Variants in SPOUT1 observed in about 807,000 individuals in gnomAD.
SPOUT1 encodes the protein SPOUT domain containing methyltransferase 1.
Under a neutral mutation model 54.8 loss-of-function variants are expected in SPOUT1, and 40 were observed. The ratio of observed to expected loss-of-function variants is 0.73; its 90% CI spans 0.57 to 0.95. The LOEUF (loss-of-function observed/expected upper bound fraction) is 0.95, where lower values mean the gene tolerates loss of function less well. Ranked by LOEUF, SPOUT1 falls within the 40% of genes least tolerant of loss-of-function variation. The pLI, the probability that SPOUT1 is intolerant of heterozygous loss-of-function variation, is 0.00. For missense variants in SPOUT1, 437 were observed against 499.5 expected (o/e 0.87, Z 1.19); for synonymous variants, 193 against 200.3 (o/e 0.96, Z 0.31).
At position 128,827,147 on chromosome 9, in the gene SPOUT1, C is replaced by G. The variant is rs552640647; in HGVS notation, c.253G>C (p.Asp85His). The G allele has an allele frequency of 6.2e-7, 1 of 1,613,858 alleles. No homozygotes were observed. Among genetic ancestry groups the G allele is most frequent in the African/African-American group, 1.3e-5 (1 of 74,938 alleles). ...CGAAGCTCCGGCGACTGAGCATTGT[C>G]CAGGATGGAGCCCGGCAGGGCTACG... ...LSVALPGSIL[D>H]NAQSPELRTY... is the part of the protein sequence containing the mutation. The change falls in exon 4 of 12, where the codon GAC becomes CAC. Residue 85 changes from aspartate (D) to histidine (H), a missense_variant. Coordinates refer to ENST00000361256, the MANE Select transcript of SPOUT1 (RefSeq NM_016390.4).
Position 128,820,889 on chromosome 9 carries a change from C to T in SPOUT1, c.*1876G>A, listed in dbSNP as rs1294736134. 6.5e-7 allele frequency: 1 copy of T among 1,545,024 alleles called. No individual in the cohort carries two copies. Among genetic ancestry groups the T allele is most frequent in the Non-Finnish European group, 8.8e-7 (1 of 1,134,282 alleles). On this transcript the variant is annotated 3_prime_UTR_variant, in exon 12 of 12. Coordinates refer to ENST00000361256, the MANE Select transcript of SPOUT1 (RefSeq NM_016390.4). Reference sequence around the variant, plus strand: ...GGGGGGCGGCAGAACCTCCCACTCACCTGAGGCCCCTACTGCCACTCACAG... The same window carrying T: ...GGGGGGCGGCAGAACCTCCCACTCATCTGAGGCCCCTACTGCCACTCACAG...
Position 128,821,199 on chromosome 9 carries a change from C to A in SPOUT1, c.*1566G>T, listed in dbSNP as rs137971010. ...GCACCAAGCTCTCCCACCTTCCCCCCGCAGGTCTGCAGTGCACCAAGCTCT... is the reference window on the plus strand; with the variant it reads ...GCACCAAGCTCTCCCACCTTCCCCCAGCAGGTCTGCAGTGCACCAAGCTCT... On this transcript the variant is annotated 3_prime_UTR_variant, in exon 12 of 12. Transcript: ENST00000361256. 491 of 305,134 alleles carry A rather than the reference C, an allele frequency of 1.6e-3. 1 individual carries two copies. The highest frequency in any genetic ancestry group is 2.0e-3 in the Non-Finnish European group (314 of 158,434). 18.9% of individuals were successfully genotyped at this position (305,134 alleles called of 1,614,324 possible). A position where few individuals can be genotyped will look rare whatever the true frequency, so the allele number is the denominator to read the frequency against.
Position 128,821,382 on chromosome 9 carries a change from C to T in SPOUT1, c.*1383G>A, listed in dbSNP as rs747942289. On this transcript the variant is annotated 3_prime_UTR_variant, in exon 12 of 12. Coordinates refer to ENST00000361256, the MANE Select transcript of SPOUT1 (RefSeq NM_016390.4). ...CAGGTCCCCAGTGCACCGAGCTCTC[C>T]CGCCTTCCCCATGCAGGTCCCCAGT... The T allele has an allele frequency of 6.0e-6, 1 of 167,664 alleles. No individual in the cohort carries two copies. The highest frequency in any genetic ancestry group is 1.3e-5 in the Non-Finnish European group (1 of 78,166). The allele number at this position is 167,664 out of a possible 1,614,324, so 10.4% of individuals were successfully genotyped here.
Position 128,826,319 on chromosome 9 carries a change from TG to T in SPOUT1, c.508+64del. The stretch of plus-strand genomic sequence containing the variant: ...CCACCTGGACAGCGCAGGGTAGGAC[TG>T]GGTGGTCTCAGTGTCTGTGGCATGA... On this transcript the variant is annotated intron_variant, in intron 6 of 11. Transcript: ENST00000361256. This position sits in a 1 kb window ranked among gnomAD's most constrained non-coding sequence, Gnocchi z 5.5. The T allele has an allele frequency of 6.3e-7, 1 of 1,586,096 alleles. No homozygotes were observed. The highest frequency in any genetic ancestry group is 8.7e-7 in the Non-Finnish European group (1 of 1,154,684).
intron 9 of SPOUT1, 79 bp downstream of exon 9, chr9:128,824,692 G>A (rs1830203230): frequency 1.0e-6 from 1 of 995,188 alleles, no homozygotes; most frequent in African/African-American, 1.6e-5. Context: ...ACCCTGGTCT[G>A]ATATTTGGGT....
chr9:128,827,004 C>G (rs768348250), intron 4 of SPOUT1, 28 bp downstream of exon 4: 1 of 1,608,774 alleles, frequency 6.2e-7, no homozygotes, highest in South Asian at 1.1e-5. Context: ...CTCCCTGAAC[C>G]CTGGCACCCT....
Position 128,828,985 on chromosome 9 carries a change from C to T in SPOUT1, c.82+125G>A, listed in dbSNP as rs1830296392. The T allele has an allele frequency of 4.7e-6, 7 of 1,497,744 alleles. No homozygotes were observed. The East Asian group carries it at 1.4e-4, about 29-fold the overall frequency. The allele number at this position is 1,497,744 out of a possible 1,614,324, so 92.8% of individuals were successfully genotyped here. A position where few individuals can be genotyped will look rare whatever the true frequency, so the allele number is the denominator to read the frequency against. On this transcript the variant is annotated intron_variant, in intron 2 of 11. Coordinates refer to ENST00000361256, the MANE Select transcript of SPOUT1 (RefSeq NM_016390.4). Reference sequence around the variant, plus strand: ...AAGGGAGCCTCCCCAGGGCTCCCGGCCCCTGCCTCCCCACTTTGTGTGCTG... The same window carrying T: ...AAGGGAGCCTCCCCAGGGCTCCCGGTCCCTGCCTCCCCACTTTGTGTGCTG...
Position 128,822,110 on chromosome 9 carries a change from C to T in SPOUT1, c.*655G>A. On this transcript the variant is annotated 3_prime_UTR_variant, in exon 12 of 12. Coordinates refer to ENST00000361256, the MANE Select transcript of SPOUT1 (RefSeq NM_016390.4). ...TTATTGTCGCCCACTCTGCCTGACC[C>T]AGTGTTGGGCATAAGGAAAACAGAG... The T allele has an allele frequency of 1.7e-6, 1 of 599,060 alleles. No homozygotes were observed. The highest frequency in any genetic ancestry group is 2.9e-6 in the Non-Finnish European group (1 of 339,666). 37.1% of individuals were successfully genotyped at this position (599,060 alleles called of 1,614,324 possible).
At chr9:128,827,011 C>A (rs1830254602) in intron 4 of SPOUT1, 21 bp downstream of exon 4, 1 of 1,610,844 alleles carries the variant, frequency 6.2e-7, no homozygotes. Context: ...AACCCTGGCA[C>A]CCTGTGGGAT....
At chr9:128,829,215 G>T in intron 1 of SPOUT1, 60 bp from the exon 2 acceptor site, 1 of 1,427,642 alleles carries the variant, frequency 7.0e-7, no homozygotes, top group Non-Finnish European at 9.9e-7. Context: ...CCTGGAGGGG[G>T]TCCGTTTGCT....
intron 1 of SPOUT1, 53 bp downstream of exon 1, chr9:128,829,691 GT>G (rs1366920689): frequency 6.4e-6 from 9 of 1,405,414 alleles, no homozygotes; most frequent in Non-Finnish European, 8.9e-6. Context: ...CACGCCACTG[GT>G]TCTCACGCCT....
rs1554798766 is a variant in SPOUT1, at chr9:128,826,992, C to T, written c.368+40G>A. On this transcript the variant is annotated intron_variant, in intron 4 of 11. Transcript: ENST00000361256. This position sits in a 1 kb window ranked among gnomAD's most constrained non-coding sequence, Gnocchi z 5.5. ...CTCGGCCCATCCCGGCAGCCCCTCC[C>T]TCTCCCTGAACCCTGGCACCCTGTG... The T allele has an allele frequency of 6.3e-7, 1 of 1,599,398 alleles. No homozygotes were observed. Among genetic ancestry groups the T allele is most frequent in the Non-Finnish European group, 8.5e-7 (1 of 1,170,012 alleles).
At position 128,826,848 on chromosome 9, in the gene SPOUT1, T is replaced by A. The variant is rs971055211; in HGVS notation, c.368+184A>T. On this transcript the variant is annotated intron_variant, in intron 4 of 11. Coordinates refer to ENST00000361256, the MANE Select transcript of SPOUT1 (RefSeq NM_016390.4). This position sits in a 1 kb window ranked among gnomAD's most constrained non-coding sequence, Gnocchi z 5.5. ...CAGGTTTAGGCCTTCTGGCTCCCAA[T>A]CCCACCTCTGTAGTCATCACCCCCA... Among the ~76,000 whole-genome samples, 3 of 152,044 alleles carry A rather than the reference T, an allele frequency of 2.0e-5. No homozygotes were observed. Among genetic ancestry groups the A allele is most frequent in the Admixed American group, 2.0e-4 (3 of 15,266 alleles).
rs770621180 is a variant in SPOUT1, at chr9:128,822,749, C to T, written c.*16G>A. Reference sequence around the variant, plus strand: ...TTCACTGCTGCTTCACTGATGTCCTCGGCCCCTTAGAACTTTCAGGTGTGC... The same window carrying T: ...TTCACTGCTGCTTCACTGATGTCCTTGGCCCCTTAGAACTTTCAGGTGTGC... On this transcript the variant is annotated 3_prime_UTR_variant, in exon 12 of 12. Coordinates refer to ENST00000361256, the MANE Select transcript of SPOUT1 (RefSeq NM_016390.4). The T allele has an allele frequency of 2.8e-5, 44 of 1,565,852 alleles. No individual in the cohort carries two copies. The highest frequency in any genetic ancestry group is 3.3e-4 in the Middle Eastern group (2 of 6,026).
intron 11 of SPOUT1, 95 bp downstream of exon 11, chr9:128,823,652 G>A (rs1483908227): frequency 2.3e-5 from 27 of 1,173,328 alleles, no homozygotes; most frequent in African/African-American, 9.1e-5. Flanking sequence ...AGGCAGCCAC[G>A]GGCAAGGGTG....
chr9:128,827,005 CT>C, intron 4 of SPOUT1, 26 bp downstream of exon 4: 1 of 1,609,554 alleles, frequency 6.2e-7, no homozygotes, highest in Non-Finnish European at 8.5e-7. Context: ...TCCCTGAACC[CT>C]GGCACCCTGT....
At position 128,826,976 on chromosome 9, in the gene SPOUT1, T is replaced by G; in HGVS notation, c.368+56A>C. 1 of 1,570,964 alleles carries G rather than the reference T, an allele frequency of 6.4e-7. No individual in the cohort carries two copies. The highest frequency in any genetic ancestry group is 8.7e-7 in the Non-Finnish European group (1 of 1,149,006). On this transcript the variant is annotated intron_variant, in intron 4 of 11. Coordinates refer to ENST00000361256, the MANE Select transcript of SPOUT1 (RefSeq NM_016390.4). This position sits in a 1 kb window ranked among gnomAD's most constrained non-coding sequence, Gnocchi z 5.5. ...GGGGCCATGGTGAAGCCTCGGCCCA[T>G]CCCGGCAGCCCCTCCCTCTCCCTGA...
chr9:128,826,680 G>T lies in SPOUT1; in HGVS notation c.369-51C>A. Reference sequence around the variant, plus strand: ...GGATCCAGCTGTGGCCCCTTCAAGAGCTCCTGTCTACAAGTGCACGCGTAT... The same window carrying T: ...GGATCCAGCTGTGGCCCCTTCAAGATCTCCTGTCTACAAGTGCACGCGTAT... On this transcript the variant is annotated intron_variant, in intron 4 of 11. Coordinates refer to ENST00000361256, the MANE Select transcript of SPOUT1 (RefSeq NM_016390.4). The surrounding 1 kb of genome is among the most constrained non-coding windows in gnomAD (Gnocchi z 5.5). 1 of 1,334,586 alleles carries T rather than the reference G, an allele frequency of 7.5e-7. No individual in the cohort carries two copies. The highest frequency in any genetic ancestry group is 1.0e-6 in the Non-Finnish European group (1 of 967,956). The allele number at this position is 1,334,586 out of a possible 1,614,324, so 82.7% of individuals were successfully genotyped here.
At chr9:128,823,926 G>A (rs759960751) in intron 10 of SPOUT1, 32 bp from the exon 11 acceptor site, 1 of 1,609,004 alleles carries the variant, frequency 6.2e-7, no homozygotes, top group Admixed American at 1.7e-5. Flanking sequence ...CACCTGAGCG[G>A]CCACCGAGGC....
Sources: gnomAD v4.1 joint callset for allele counts (sites outside exome capture counted in the v4.1 genomes callset) on GRCh38, gnomAD v4.1.1 for gene constraint, Gnocchi (gnomAD v3.1) non-coding constraint, MANE v1.5 for transcripts, NCBI Gene and HGNC (gene_info 2026-07-23, HGNC 2026-07-21) for gene names.